The following PCDHA3 variants were observed in gnomAD, a reference collection of about 807,000 sequenced individuals.
The protein encoded by PCDHA3 is protocadherin alpha-3.
Under a neutral mutation model 62.2 loss-of-function variants are expected in PCDHA3, and 41 were observed. The observed-to-expected ratio is 0.66, with a 90% CI of 0.51 to 0.86. The LOEUF (loss-of-function observed/expected upper bound fraction) is 0.86. Among genes scored for constraint, PCDHA3 ranks in the 40% least tolerant of loss-of-function variants. The probability of loss-of-function intolerance (pLI) is 0.00; values close to 1 mark genes in which losing one functional copy is unlikely to be tolerated. For synonymous variants in PCDHA3, 640 were observed against 555.4 expected, an observed-to-expected ratio of 1.15 and a Z score of -2.14; for missense variants, 1,304 against 1,241.2, an observed-to-expected ratio of 1.05 and a Z score of -0.76.
intron 3 of PCDHA3, among the ~76,000 whole-genome samples, chr5:141,009,296 T>A (rs889577032): frequency 3.3e-4 from 50 of 152,004 alleles, no homozygotes; most frequent in Non-Finnish European, 5.3e-4. Context: ...TTCTATAAAA[T>A]TTTTTTTAAA....
rs2096146085 is a variant in PCDHA3 at position 140,967,476 on chromosome 5, G to T, written c.2395-11473G>T. ...GCCGTGGATGGGGGCATCCCAGCCC[G>T]CTCGGGTACGGCACAGATCTCTGTG... On this transcript the variant is annotated intron_variant, in intron 1 of 3. Transcript: ENST00000522353. The T allele has an allele frequency of 6.2e-7, 1 of 1,613,324 alleles. No individual in the cohort carries two copies. The highest frequency in any genetic ancestry group is 1.3e-5 in the African/African-American group (1 of 75,056).
intron 1 of PCDHA3, among the ~76,000 whole-genome samples, chr5:140,855,023 G>C (rs115040572): frequency 0.046 from 6,867 of 149,598 alleles, 637 homozygotes; most frequent in Middle Eastern, 0.088. Context: ...GAAACTTCTT[G>C]TATAAAGGAT....
At chr5:140,920,842 A>T (rs1377558160) in intron 1 of PCDHA3, among the ~76,000 whole-genome samples, 3 of 127,576 alleles carry the variant, frequency 2.4e-5, no homozygotes, top group Non-Finnish European at 5.0e-5. Context: ...GACCAAATCT[A>T]AAAAAAAAAA....
intron 1 of PCDHA3, among the ~76,000 whole-genome samples, chr5:140,921,904 T>A (rs1554200513): frequency 1.3e-5 from 2 of 151,968 alleles, no homozygotes; most frequent in African/African-American, 4.8e-5. Flanking sequence ...GATAAATATA[T>A]ATTACATGAT....
In PCDHA3 at chr5:140,883,674, C is replaced by A. The variant is rs782029001; in HGVS notation, c.2394+80083C>A. The A allele has an allele frequency of 4.3e-5, 70 of 1,613,620 alleles. No homozygotes were observed. The highest frequency in any genetic ancestry group is 5.8e-5 in the Non-Finnish European group (69 of 1,179,878). On this transcript the variant is annotated intron_variant, in intron 1 of 3. Transcript: ENST00000522353. ...ACGGTGTTCGTGAAGGAAAACAATC[C>A]GCCGGGCTGCCACATCTTCACGGTG...
intron 1 of PCDHA3, chr5:140,968,053 A>C: frequency 6.2e-7 from 1 of 1,614,154 alleles, no homozygotes; most frequent in Non-Finnish European, 8.5e-7. Flanking sequence ...CACTGGACCG[A>C]GAGCGGGTGG....
chr5:140,851,376 G>A, intron 1 of PCDHA3: 1 of 976,392 alleles, frequency 1.0e-6, no homozygotes, highest in Non-Finnish European at 1.2e-6. Flanking sequence ...TGATTGTTCA[G>A]CAACCTTCAG....
At position 140,993,462 on chromosome 5, in the gene PCDHA3, T is replaced by TCACACACACA. The variant is rs3836747; in HGVS notation, c.2542+10937_2542+10946dup. On this transcript the variant is annotated intron_variant, in intron 3 of 3. Coordinates refer to ENST00000522353, the MANE Select transcript of PCDHA3 (RefSeq NM_018906.3). Reference sequence around the variant, plus strand: ...CATTCCTGTTCTCCTTCTTTCTTTCTCACACACACACACACACACACACAC... The same window carrying TCACACACACA: ...CATTCCTGTTCTCCTTCTTTCTTTCTCACACACACACACACACACACACACACACACACAC... Among the ~76,000 whole-genome samples, 267 of 141,038 alleles carry TCACACACACA rather than the reference T, an allele frequency of 1.9e-3. 2 individuals are homozygous for TCACACACACA. The highest frequency in any genetic ancestry group is 2.7e-3 in the Non-Finnish European group (175 of 64,694). The allele number at this position is 141,038 out of a possible 152,430, so 92.5% of individuals were successfully genotyped here.
In PCDHA3 at chr5:140,953,934, C is replaced by T. The variant is rs2094953906; in HGVS notation, c.2395-25015C>T. 2.6e-5 allele frequency among the ~76,000 whole-genome samples: 4 copies of T among 152,200 alleles called. No homozygotes were observed. The South Asian group carries it at 8.3e-4, about 32-fold the overall frequency. On this transcript the variant is annotated intron_variant, in intron 1 of 3. Transcript: ENST00000522353. ...TTAGGTATTCTTCCTGATGCTCTCC[C>T]TCCCATTGCTCCCCCAACAGGCCCC...
chr5:140,916,211 G>C (rs1373329073), intron 1 of PCDHA3, among the ~76,000 whole-genome samples: 4 of 152,182 alleles, frequency 2.6e-5, no homozygotes, highest in Non-Finnish European at 5.9e-5. Flanking sequence ...CCCTGGGGAA[G>C]ATCCAAATAT....
chr5:140,828,176 G>T (rs782133322), intron 1 of PCDHA3: 2 of 1,614,128 alleles, frequency 1.2e-6, no homozygotes, highest in Non-Finnish European at 1.7e-6. Flanking sequence ...GGTGGGGAGC[G>T]GCCAGCTCCA....
At chr5:140,875,412 A>G in intron 1 of PCDHA3, 4 of 1,505,550 alleles carry the variant, frequency 2.7e-6, no homozygotes, top group Non-Finnish European at 3.5e-6. Context: ...CTCATAAAAT[A>G]CCTCAGGCAA....
intron 1 of PCDHA3, among the ~76,000 whole-genome samples, chr5:140,898,001 C>G (rs2066457062): frequency 6.6e-6 from 1 of 152,116 alleles, no homozygotes; most frequent in Non-Finnish European, 1.5e-5. Flanking sequence ...TGAGAAGTGT[C>G]TGTTCATATC....
chr5:141,002,614 T>C (rs2098088159), intron 3 of PCDHA3, among the ~76,000 whole-genome samples: 1 of 152,130 alleles, frequency 6.6e-6, no homozygotes, highest in Non-Finnish European at 1.5e-5. Context: ...AACAGACACA[T>C]AACACAGACA....
chr5:140,850,292 C>G lies in PCDHA3; in HGVS notation c.2394+46701C>G, dbSNP rs2150478092. The stretch of plus-strand genomic sequence containing the variant: ...TGGGGAAGGTGCGCGCAGTGGACGC[C>G]GACTCGGGCTACAACGCGTGGCTTT... On this transcript the variant is annotated intron_variant, in intron 1 of 3. Transcript: ENST00000522353. 30 of 1,595,922 alleles carry G rather than the reference C, an allele frequency of 1.9e-5. 3 individuals are homozygous for G. The highest frequency in any genetic ancestry group is 6.7e-5 in the East Asian group (3 of 44,830).
At chr5:140,982,608 T>G (rs782789536) in intron 3 of PCDHA3, 45 bp downstream of exon 3, 2 of 1,601,306 alleles carry the variant, frequency 1.2e-6, no homozygotes, top group South Asian at 2.2e-5. Flanking sequence ...TTCTGGAAAG[T>G]GATCAGATGA....
intron 1 of PCDHA3, chr5:140,857,033 A>C: frequency 1.3e-6 from 2 of 1,595,572 alleles, no homozygotes; most frequent in Non-Finnish European, 8.6e-7. Flanking sequence ...AAACCCACCT[A>C]TGGTTGGTCA....
chr5:140,921,953 C>A (rs2080517782), intron 1 of PCDHA3, among the ~76,000 whole-genome samples: 3 of 151,116 alleles, frequency 2.0e-5, no homozygotes, highest in African/African-American at 4.9e-5. Flanking sequence ...TTGTAAAATC[C>A]CAGAAAACCA....
chr5:140,803,343 C>T lies in PCDHA3; in HGVS notation c.2146C>T (p.Leu716=), dbSNP rs1554122733. The T allele has an allele frequency of 6.2e-7, 1 of 1,614,182 alleles. No homozygotes were observed. Among genetic ancestry groups the T allele is most frequent in the East Asian group, 2.2e-5 (1 of 44,870 alleles). The change falls in exon 1 of 4, where the codon CTG becomes TTG. Residue 716 remains leucine (L), a synonymous_variant. Transcript: ENST00000522353. The part of the protein sequence containing the change: ...AVSSLLVLTL[L]LYTALRCSAP... ...GTCCAGTCTGTTGGTGCTCACACTG[C>T]TGCTATATACTGCTCTGCGGTGCTC...
Sources: allele counts gnomAD v4.1 joint callset (sites outside exome capture counted in the v4.1 genomes callset), GRCh38; gene constraint gnomAD v4.1.1; transcripts MANE v1.5; gene names NCBI Gene and HGNC (gene_info 2026-07-23, HGNC 2026-07-21).